The following ALPK1 variants were observed in gnomAD, a reference collection of about 807,000 sequenced individuals.
ALPK1 encodes the protein alpha-protein kinase 1.
Under a neutral mutation model 120.6 loss-of-function variants are expected in ALPK1, and 110 were observed. The observed-to-expected ratio is 0.91, with a 90% CI of 0.78 to 1.07. ALPK1 has a LOEUF of 1.07. Among genes scored for constraint, ALPK1 ranks in the 50% least tolerant of loss-of-function variants. The pLI, the probability that ALPK1 is intolerant of heterozygous loss-of-function variation, is 0.00. For missense variants in ALPK1, 1,498 were observed against 1,483.9 expected (o/e 1.01, Z -0.16); for synonymous variants, 582 against 560.3 (o/e 1.04, Z -0.55).
intron 2 of ALPK1, chr4:112,357,578 C>T (rs747977332): frequency 6.7e-6 from 10 of 1,494,758 alleles, no homozygotes; most frequent in Non-Finnish European, 7.4e-6. Context: ...CCCGGGTCCT[C>T]CTTTGCCCTG....
At chr4:112,374,844 A>T (rs1390362743) in intron 2 of ALPK1, among the ~76,000 whole-genome samples, 1 of 152,224 alleles carries the variant, frequency 6.6e-6, no homozygotes, top group Admixed American at 6.5e-5. Context: ...TCAACAGGGC[A>T]CTTAAAATAT....
At chr4:112,318,766 TG>T (rs1359630936) in intron 2 of ALPK1, among the ~76,000 whole-genome samples, 1 of 152,234 alleles carries the variant, frequency 6.6e-6, no homozygotes, top group Non-Finnish European at 1.5e-5. Flanking sequence ...TGAGACACTG[TG>T]GTCACCCACA....
chr4:112,303,432 A>G (rs1354724273), intron 1 of ALPK1, among the ~76,000 whole-genome samples: 1 of 152,184 alleles, frequency 6.6e-6, no homozygotes, highest in East Asian at 1.9e-4. Context: ...CTTTGAAGTC[A>G]CCCTAGATGT....
intron 4 of ALPK1, among the ~76,000 whole-genome samples, chr4:112,399,555 T>C (rs1732813732): frequency 6.6e-6 from 1 of 152,106 alleles, no homozygotes; most frequent in African/African-American, 2.4e-5. Flanking sequence ...TGGAGACAGA[T>C]GTATGACCAA....
intron 2 of ALPK1, among the ~76,000 whole-genome samples, chr4:112,333,031 G>C (rs1044483804): frequency 6.6e-6 from 1 of 152,300 alleles, no homozygotes; most frequent in East Asian, 1.9e-4. Flanking sequence ...TCAGTTCTGG[G>C]AAGTAAGAGA....
intron 9 of ALPK1, chr4:112,428,211 A>T (rs1192852271): frequency 6.5e-6 from 1 of 153,066 alleles, no homozygotes; most frequent in Non-Finnish European, 1.5e-5. Context: ...AATGCAGTGC[A>T]GAGAAACTAA....
At chr4:112,358,944 T>C (rs1730779370) in intron 2 of ALPK1, 2 of 769,142 alleles carry the variant, frequency 2.6e-6, no homozygotes, top group Non-Finnish European at 4.9e-6. Flanking sequence ...CCAGGGCTTC[T>C]ACCAGTTTGT....
chr4:112,419,845 C>A (rs1185254504), intron 5 of ALPK1, among the ~76,000 whole-genome samples: 1 of 152,212 alleles, frequency 6.6e-6, no homozygotes, highest in Non-Finnish European at 1.5e-5. Context: ...TACTTATCCT[C>A]TGTAAGGCCC....
intron 4 of ALPK1, among the ~76,000 whole-genome samples, chr4:112,406,557 C>T (rs907711177): frequency 6.6e-6 from 1 of 152,174 alleles, no homozygotes; most frequent in African/African-American, 2.4e-5. Context: ...TTCTCTCTGA[C>T]CTTCTCCTGC....
chr4:112,377,866 A>G lies in ALPK1; in HGVS notation c.89A>G (p.Glu30Gly), dbSNP rs1463891528. Residue 30 changes from glutamate to glycine, a missense_variant, in exon 3 of 16, where the codon GAA (glutamate) becomes GGA (glycine). Transcript: ENST00000650871. ...TTGTTGGAAGCGCCAGATGTGTCGG[A>G]AGAGGACAAGAGCGAGGACCAGCGC... ...QLLLEAPDVS[E>G]EDKSEDQRCR... 6.2e-7 allele frequency: 1 copy of G among 1,613,222 alleles called. No homozygotes were observed. Among genetic ancestry groups the G allele is most frequent in the Admixed American group, 1.7e-5 (1 of 59,974 alleles).
chr4:112,363,736 A>C (rs1249809020), intron 2 of ALPK1, among the ~76,000 whole-genome samples: 2 of 152,200 alleles, frequency 1.3e-5, no homozygotes, highest in African/African-American at 4.8e-5. Flanking sequence ...TTATTGTTCT[A>C]CTGAACAACC....
intron 1 of ALPK1, among the ~76,000 whole-genome samples, chr4:112,309,439 C>T (rs1198379808): frequency 6.6e-6 from 1 of 152,182 alleles, no homozygotes; most frequent in East Asian, 1.9e-4. Context: ...ACTCAAGCCT[C>T]AGCAATGGCA....
At position 112,430,916 on chromosome 4, in the gene ALPK1, G is replaced by A. The variant is rs1368203405; in HGVS notation, c.1369G>A (p.Asp457Asn). ...HGQGDFQKIL[D>N]TYSQHHTSVC... ...GCAAGGGGATTTCCAAAAAATCCTT[G>A]ACACCTATTCACAGCACCATACTTC... The change falls in exon 11 of 16, where the codon GAC becomes AAC. Residue 457 changes from aspartate (D) to asparagine (N), a missense_variant. Transcript: ENST00000650871. 4 of 1,614,060 alleles carry A rather than the reference G, an allele frequency of 2.5e-6. No homozygotes were observed. In the Admixed American group the frequency reaches 5.0e-5, roughly 20 times the overall value.
rs550561463 is a variant in ALPK1, at chr4:112,359,234, G to A, written c.-100-18444G>A. 1.0e-4 allele frequency: 58 copies of A among 566,120 alleles called. 1 individual carries two copies. The highest frequency in any genetic ancestry group is 6.1e-4 in the Admixed American group (23 of 37,590). The allele number at this position is 566,120 out of a possible 1,614,324, so 35.1% of individuals were successfully genotyped here. A position where few individuals can be genotyped will look rare whatever the true frequency, so the allele number is the denominator to read the frequency against. ...GCCACCCACAGTGGGGGTCCAGAGC[G>A]CCCAGAGCAGGGAAGCAGGGCCAGC... On this transcript the variant is annotated intron_variant, in intron 2 of 15. Coordinates refer to ENST00000650871, the MANE Select transcript of ALPK1 (RefSeq NM_025144.4).
At chr4:112,342,098 T>C (rs577050204) in intron 2 of ALPK1, among the ~76,000 whole-genome samples, 62 of 152,336 alleles carry the variant, frequency 4.1e-4, no homozygotes, top group Non-Finnish European at 1.0e-4. Flanking sequence ...TAAGAATTCC[T>C]GTGTGAAAAT....
At chr4:112,395,961 C>T (rs1163809205) in intron 4 of ALPK1, among the ~76,000 whole-genome samples, 1 of 152,146 alleles carries the variant, frequency 6.6e-6, no homozygotes, top group Non-Finnish European at 1.5e-5. Context: ...GCAAGTTAAT[C>T]AGAGGATTTT....
chr4:112,425,549 C>T (rs907759753), intron 6 of ALPK1, 116 bp from the exon 7 acceptor site: 25 of 824,774 alleles, frequency 3.0e-5, no homozygotes, highest in Admixed American at 6.1e-5. Context: ...AATGTAGAGA[C>T]GAGATTGTTT....
intron 2 of ALPK1, among the ~76,000 whole-genome samples, chr4:112,323,052 ACAAGGTCCCTCTGT>A (rs1728931006): frequency 6.6e-6 from 1 of 152,082 alleles, no homozygotes; most frequent in South Asian, 2.1e-4. Context: ...GTCACTTTCT[ACAAGGTCCCTCTGT>A]GTCTTTGCTC....
rs904975100 is a variant in ALPK1, at chr4:112,358,564, C to A, written c.-100-19114C>A. 4 of 701,866 alleles carry A rather than the reference C, an allele frequency of 5.7e-6. No individual in the cohort carries two copies. The Admixed American group carries it at 8.2e-5, about 14-fold the overall frequency. The allele number at this position is 701,866 out of a possible 1,614,324, so 43.5% of individuals were successfully genotyped here. On this transcript the variant is annotated intron_variant, in intron 2 of 15. Transcript: ENST00000650871. ...ATATGGAGTATGAGCAGGAGCCAGA[C>A]CCTGCCTGGCAGAGGCCCTGGGGGC...
Sources: allele counts gnomAD v4.1 joint callset (sites outside exome capture counted in the v4.1 genomes callset), GRCh38; gene constraint gnomAD v4.1.1; transcripts MANE v1.5; gene names NCBI Gene and HGNC (gene_info 2026-07-23, HGNC 2026-07-21).